B3GALT1: variants seen among roughly 807,000 people sequenced by gnomAD.
B3GALT1 encodes the protein beta-1,3-galactosyltransferase 1, also known as UDP-Gal:betaGlcNAc beta 1,3-galactosyltransferase, polypeptide 1.
A neutral mutation model predicts 23.2 loss-of-function variants in B3GALT1; 10 were observed. The ratio of observed to expected loss-of-function variants is 0.43; its 90% CI spans 0.27 to 0.73. The LOEUF (loss-of-function observed/expected upper bound fraction) is 0.73. B3GALT1 is among the 30% of genes least tolerant of loss of function. The pLI is 0.21. For synonymous variants in B3GALT1, 156 were observed against 141.5 expected (o/e 1.10, Z -0.73); for missense variants, 299 against 405.4 (o/e 0.74, Z 2.25).
chr2:167,487,698 C>T (rs918792207), intron 1 of B3GALT1, among the ~76,000 whole-genome samples: 2 of 152,056 alleles, frequency 1.3e-5, no homozygotes, highest in African/African-American at 2.4e-5. Flanking sequence ...ATGGGATTGC[C>T]CACAGAAGGA....
intron 4 of B3GALT1, among the ~76,000 whole-genome samples, chr2:167,826,555 G>C (rs974186861): frequency 1.3e-5 from 2 of 152,162 alleles, no homozygotes; most frequent in African/African-American, 4.8e-5. Context: ...CACCCTGTCA[G>C]GAATGGGGTG....
chr2:167,629,512 T>TA (rs1685403968), intron 2 of B3GALT1, among the ~76,000 whole-genome samples: 1 of 151,706 alleles, frequency 6.6e-6, no homozygotes, highest in African/African-American at 2.4e-5. Context: ...GAGCTCATCC[T>TA]AAAAAAGGTC....
intron 1 of B3GALT1, among the ~76,000 whole-genome samples, chr2:167,406,781 C>CTGT: frequency 6.6e-6 from 1 of 152,156 alleles, no homozygotes; most frequent in Non-Finnish European, 1.5e-5. Context: ...ACCATGCTGT[C>CTGT]GGATGGTACA....
intron 3 of B3GALT1, among the ~76,000 whole-genome samples, chr2:167,761,896 A>G (rs1408469956): frequency 6.6e-6 from 1 of 152,216 alleles, no homozygotes; most frequent in African/African-American, 2.4e-5. Flanking sequence ...TAAATGTCCA[A>G]GTTCTAAATA....
intron 1 of B3GALT1, among the ~76,000 whole-genome samples, chr2:167,467,719 C>A (rs760422860): frequency 6.6e-6 from 1 of 152,118 alleles, no homozygotes; most frequent in African/African-American, 2.4e-5. Context: ...AGGAAAAAAT[C>A]AATCAATCAA....
At chr2:167,741,526 G>T (rs969994653) in intron 3 of B3GALT1, among the ~76,000 whole-genome samples, 7 of 152,136 alleles carry the variant, frequency 4.6e-5, no homozygotes, top group African/African-American at 1.7e-4. Flanking sequence ...AAATTATTTA[G>T]AATATAATAA....
rs150530000 is a variant in B3GALT1 at position 167,523,277 on chromosome 2, G to A, written c.-410+33000G>A. Among the ~76,000 whole-genome samples, 166 of 152,236 alleles carry A rather than the reference G, an allele frequency of 1.1e-3. 6 individuals carry two copies. The East Asian group carries it at 0.03, about 28-fold the overall frequency. ...TGGATCAATGCCTAAAATCACACAA[G>A]TTTTATTAATTAAAACTGTAATGTT... On this transcript the variant is annotated intron_variant, in intron 2 of 4. Coordinates refer to ENST00000392690, the MANE Select transcript of B3GALT1 (RefSeq NM_020981.4).
At position 167,389,454 on chromosome 2, in the gene B3GALT1, TAA is replaced by T. The variant is rs375366622; in HGVS notation, c.-511+96124_-511+96125del. ...CAATGCCTGAAGGAAACGACTACCC[TAA>T]AAAGAGTGTCTGCTGGAGAATGCCT... On this transcript the variant is annotated intron_variant, in intron 1 of 4. Coordinates refer to ENST00000392690, the MANE Select transcript of B3GALT1 (RefSeq NM_020981.4). Among the ~76,000 whole-genome samples the T allele has an allele frequency of 3.7e-4, 57 of 152,260 alleles. No homozygotes were observed. The East Asian group carries it at 8.7e-3, about 23-fold the overall frequency.
chr2:167,596,363 A>G (rs1684773797), intron 2 of B3GALT1, among the ~76,000 whole-genome samples: 1 of 152,194 alleles, frequency 6.6e-6, no homozygotes, highest in African/African-American at 2.4e-5. Context: ...TGAGTGAAAA[A>G]GAGAGGCAGT....
Position 167,293,075 on chromosome 2 carries a change from G to A in B3GALT1, c.-770G>A, listed in dbSNP as rs954419910. On this transcript the variant is annotated 5_prime_UTR_variant, in exon 1 of 5. Coordinates refer to ENST00000392690, the MANE Select transcript of B3GALT1 (RefSeq NM_020981.4). ...CCGCGGCTGCTCGGCTAGTGCAGCT[G>A]GGCGAGCTCGCGCGGGCGCCGCCGC... 3.3e-5 allele frequency: 5 copies of A among 151,352 alleles called. No homozygotes were observed. The highest frequency in any genetic ancestry group is 1.2e-4 in the African/African-American group (5 of 41,464). 9.4% of individuals were successfully genotyped at this position (151,352 alleles called of 1,614,324 possible).
At chr2:167,484,892 T>C (rs1159519460) in intron 1 of B3GALT1, among the ~76,000 whole-genome samples, 1 of 152,192 alleles carries the variant, frequency 6.6e-6, no homozygotes, top group African/African-American at 2.4e-5. Context: ...GGTAAAATAA[T>C]TTCTTTCAGG....
chr2:167,512,624 G>GTATATATATATATATA (rs202089193), intron 2 of B3GALT1, among the ~76,000 whole-genome samples: 1 of 49,672 alleles, frequency 2.0e-5, no homozygotes, highest in African/African-American at 1.7e-4. Flanking sequence ...ATATATACGT[G>GTATATATATATATATA]TATATATATA....
intron 3 of B3GALT1, among the ~76,000 whole-genome samples, chr2:167,712,902 T>G (rs79316888): frequency 0.014 from 2,182 of 152,338 alleles, 55 homozygotes; most frequent in African/African-American, 0.05. Context: ...TTTAAATAGC[T>G]GCAATGATTA....
At chr2:167,811,604 A>C (rs1688890358) in intron 3 of B3GALT1, among the ~76,000 whole-genome samples, 1 of 152,124 alleles carries the variant, frequency 6.6e-6, no homozygotes, top group Non-Finnish European at 1.5e-5. Context: ...ATTCTCATTC[A>C]AGATCTCATT....
chr2:167,558,771 G>T (rs1442607288), intron 2 of B3GALT1, among the ~76,000 whole-genome samples: 2 of 152,338 alleles, frequency 1.3e-5, no homozygotes, highest in African/African-American at 4.8e-5. Context: ...GCCCACCATT[G>T]CCCAGGCTTG....
At chr2:167,767,920 T>G (rs1402449928) in intron 3 of B3GALT1, among the ~76,000 whole-genome samples, 1 of 152,112 alleles carries the variant, frequency 6.6e-6, no homozygotes, top group Non-Finnish European at 1.5e-5. Context: ...TGTGGTGTAG[T>G]TCAGAGAGCT....
intron 3 of B3GALT1, among the ~76,000 whole-genome samples, chr2:167,761,035 G>A (rs922347158): frequency 6.6e-6 from 1 of 152,150 alleles, no homozygotes; most frequent in Non-Finnish European, 1.5e-5. Flanking sequence ...TAATTTCCCT[G>A]AGAAAAGACT....
chr2:167,385,700 A>G (rs1226147115), intron 1 of B3GALT1, among the ~76,000 whole-genome samples: 1 of 152,214 alleles, frequency 6.6e-6, no homozygotes, highest in Non-Finnish European at 1.5e-5. Context: ...ACAAGAAAGC[A>G]TAACTTCAGA....
chr2:167,664,503 T>C (rs1329607277), intron 3 of B3GALT1, among the ~76,000 whole-genome samples: 1 of 152,126 alleles, frequency 6.6e-6, no homozygotes, highest in South Asian at 2.1e-4. Flanking sequence ...GTGAAGAAAG[T>C]CATTGGTAGC....
Sources: gnomAD v4.1 joint callset for allele counts (sites outside exome capture counted in the v4.1 genomes callset) on GRCh38, gnomAD v4.1.1 for gene constraint, MANE v1.5 for transcripts, NCBI Gene and HGNC (gene_info 2026-07-23, HGNC 2026-07-21) for gene names.